PROC: variants seen among roughly 807,000 people sequenced by gnomAD.
PROC encodes vitamin K-dependent protein C.
A neutral mutation model predicts 36.3 loss-of-function variants in PROC; 22 were observed. That is an observed-to-expected ratio of 0.61 (90% CI 0.43 to 0.86). The LOEUF (loss-of-function observed/expected upper bound fraction) is 0.86, where lower values mean the gene tolerates loss of function less well. Among genes scored for constraint, PROC ranks in the 40% least tolerant of loss-of-function variants. The probability of loss-of-function intolerance (pLI) is 0.00; values close to 1 mark genes in which losing one functional copy is unlikely to be tolerated. For synonymous variants in PROC, 218 were observed against 244.5 expected, an observed-to-expected ratio of 0.89 and a Z score of 1.01; for missense variants, 526 against 629.7, an observed-to-expected ratio of 0.84 and a Z score of 1.76.
intron 2 of PROC, 45 bp from the exon 3 acceptor site, chr2:127,421,238 T>C: frequency 6.2e-7 from 1 of 1,604,586 alleles, no homozygotes; most frequent in Non-Finnish European, 8.5e-7. Context: ...CCAGCCCCTC[T>C]TAGGCCCCTC....
chr2:127,424,940 G>A (rs1241629652), intron 6 of PROC, among the ~76,000 whole-genome samples: 1 of 152,200 alleles, frequency 6.6e-6, no homozygotes, highest in Non-Finnish European at 1.5e-5. Context: ...GGGTGGGGCA[G>A]GGGAGCTGGT....
intron 8 of PROC, among the ~76,000 whole-genome samples, chr2:127,427,693 C>T (rs1238759709): frequency 1.3e-5 from 2 of 152,176 alleles, no homozygotes; most frequent in Admixed American, 1.3e-4. Flanking sequence ...GCATTGGCCC[C>T]GATCTATGGC....
chr2:127,428,394 G>A lies in PROC; in HGVS notation c.834G>A (p.Leu278=), dbSNP rs146289521. The change falls in exon 9 of 9, where the codon CTG becomes CTA. Residue 278 remains leucine, a synonymous_variant. Transcript: ENST00000234071. ...TGCGGCGCTGGGAGAAGTGGGAGCTGGACCTGGACATCAAGGAGGTCTTCG... is the reference window on the plus strand; with the variant it reads ...TGCGGCGCTGGGAGAAGTGGGAGCTAGACCTGGACATCAAGGAGGTCTTCG... ...YDLRRWEKWE[L]DLDIKEVFVH... is the part of the protein sequence containing the mutation. 3.3e-5 allele frequency: 54 copies of A among 1,614,024 alleles called. No homozygotes were observed. Among genetic ancestry groups the A allele is most frequent in the Non-Finnish European group, 4.6e-5 (54 of 1,180,052 alleles).
Position 127,418,527 on chromosome 2 carries a change from T to TGGAGGGAGGGCTGC in PROC, c.-22+36_-22+49dup, listed in dbSNP as rs754898596. On this transcript the variant is annotated intron_variant, in intron 1 of 8. Coordinates refer to ENST00000234071, the MANE Select transcript of PROC (RefSeq NM_000312.4). The surrounding 1 kb of genome is among the most constrained non-coding windows in gnomAD (Gnocchi z 4.8). ...CCTCCAGGCAGGTCTATGAGGGGTG[T>TGGAGGGAGGGCTGC]GGAGGGAGGGCTGCCCCCGGGAGAA... 2 of 1,288,300 alleles carry TGGAGGGAGGGCTGC rather than the reference T, an allele frequency of 1.6e-6. No individual in the cohort carries two copies. The highest frequency in any genetic ancestry group is 2.5e-5 in the South Asian group (2 of 80,992). 79.8% of individuals were successfully genotyped at this position (1,288,300 alleles called of 1,614,324 possible).
rs1271213613 is a variant in PROC at position 127,428,863 on chromosome 2, T to C, written c.1303T>C (p.Tyr435His). 1.2e-6 allele frequency: 2 copies of C among 1,613,736 alleles called. No individual in the cohort carries two copies. The highest frequency in any genetic ancestry group is 1.7e-6 in the Non-Finnish European group (2 of 1,179,932). Reference protein sequence around the residue: ...GCGLLHNYGVYTKVSRYLDWI... With the variant: ...GCGLLHNYGVHTKVSRYLDWI... Reference sequence around the variant, plus strand: ...TGGGCTCCTTCACAACTACGGCGTTTACACCAAAGTCAGCCGCTACCTCGA... The same window carrying C: ...TGGGCTCCTTCACAACTACGGCGTTCACACCAAAGTCAGCCGCTACCTCGA... The change falls in exon 9 of 9, where the codon TAC becomes CAC. Residue 435 changes from tyrosine (Y) to histidine (H), a missense_variant. Physicochemically the swap from Tyr to His is moderately conservative, Grantham distance 83 (BLOSUM62 2). Coordinates refer to ENST00000234071, the MANE Select transcript of PROC (RefSeq NM_000312.4).
Position 127,429,014 on chromosome 2 carries a change from C to T in PROC, c.*68C>T. Reference sequence around the variant, plus strand: ...GGACATTAAAGGGACATGTAACAAGCACACCGGCCTGCTGTTCTGTCCTTC... The same window carrying T: ...GGACATTAAAGGGACATGTAACAAGTACACCGGCCTGCTGTTCTGTCCTTC... On this transcript the variant is annotated 3_prime_UTR_variant, in exon 9 of 9. Transcript: ENST00000234071. The T allele has an allele frequency of 6.5e-7, 1 of 1,544,704 alleles. No individual in the cohort carries two copies. Among genetic ancestry groups the T allele is most frequent in the Non-Finnish European group, 8.9e-7 (1 of 1,118,952 alleles).
rs1688502040 is a variant in PROC at position 127,426,401 on chromosome 2, G to A, written c.678+174G>A. The A allele has an allele frequency of 3.3e-6, 3 of 898,950 alleles. No homozygotes were observed. The highest frequency in any genetic ancestry group is 3.4e-6 in the Non-Finnish European group (2 of 591,202). The allele number at this position is 898,950 out of a possible 1,614,324, so 55.7% of individuals were successfully genotyped here. ...AGATGGACGCAACCTGAGGGGAGAG[G>A]AGCAGCCAGGGTGGGTGAGGGGAGG... On this transcript the variant is annotated intron_variant, in intron 7 of 8. Coordinates refer to ENST00000234071, the MANE Select transcript of PROC (RefSeq NM_000312.4). The surrounding 1 kb of genome is among the most constrained non-coding windows in gnomAD (Gnocchi z 7.0).
At chr2:127,424,678 T>TA (rs1688366708) in intron 6 of PROC, among the ~76,000 whole-genome samples, 1 of 152,076 alleles carries the variant, frequency 6.6e-6, no homozygotes, top group African/African-American at 2.4e-5. Flanking sequence ...GTCTCTATTT[T>TA]TAAAAAAAGT....
chr2:127,427,061 G>C, intron 7 of PROC, 44 bp from the exon 8 acceptor site: 1 of 1,563,092 alleles, frequency 6.4e-7, no homozygotes, highest in Non-Finnish European at 8.8e-7. Context: ...ACTGGAGGCT[G>C]TCAGGAGGCA....
chr2:127,421,377 G>A lies in PROC; in HGVS notation c.165G>A (p.Leu55=). ...TGGAGGAGCTCCGTCACAGCAGCCTGGAGCGGGAGTGCATAGAGGAGATCT... is the reference window on the plus strand; with the variant it reads ...TGGAGGAGCTCCGTCACAGCAGCCTAGAGCGGGAGTGCATAGAGGAGATCT... ...SFLEELRHSS[L]ERECIEEICD... The change falls in exon 3 of 9, where the codon CTG becomes CTA. Residue 55 remains leucine, a synonymous_variant. Coordinates refer to ENST00000234071, the MANE Select transcript of PROC (RefSeq NM_000312.4). The A allele has an allele frequency of 6.2e-7, 1 of 1,613,932 alleles. No individual in the cohort carries two copies. The highest frequency in any genetic ancestry group is 8.5e-7 in the Non-Finnish European group (1 of 1,179,948).
At position 127,420,033 on chromosome 2, in the gene PROC, C is replaced by T. The variant is rs552451188; in HGVS notation, c.70+21C>T. On this transcript the variant is annotated intron_variant, in intron 2 of 8. Coordinates refer to ENST00000234071, the MANE Select transcript of PROC (RefSeq NM_000312.4). ...TCTTGGTAAGGCCACCCCACCCCTACCCCGGGACCCTTGTGGCCTCTACAA... is the reference window on the plus strand; with the variant it reads ...TCTTGGTAAGGCCACCCCACCCCTATCCCGGGACCCTTGTGGCCTCTACAA... 6.8e-6 allele frequency: 11 copies of T among 1,612,204 alleles called. No homozygotes were observed. The East Asian group carries it at 8.9e-5, about 13-fold the overall frequency.
At chr2:127,423,228 G>C in intron 5 of PROC, 46 bp from the exon 6 acceptor site, 2 of 1,527,654 alleles carry the variant, frequency 1.3e-6, no homozygotes, top group Non-Finnish European at 1.8e-6. Context: ...GCCGGGTTGG[G>C]GGCGCGGCAC....
chr2:127,423,663 CT>C (rs1290897559), intron 6 of PROC: 8 of 482,236 alleles, frequency 1.7e-5, no homozygotes, highest in Non-Finnish European at 2.9e-5. Context: ...CGGGCGCCCC[CT>C]GCGCACCTGG....
Position 127,426,649 on chromosome 2 carries a change from G to T in PROC, c.678+422G>T. The T allele has an allele frequency of 3.0e-6, 1 of 330,438 alleles. No individual in the cohort carries two copies. Among genetic ancestry groups the T allele is most frequent in the Non-Finnish European group, 5.8e-6 (1 of 171,026 alleles). The allele number at this position is 330,438 out of a possible 1,614,324, so 20.5% of individuals were successfully genotyped here. ...ATGGGGGAGATAGGAACCAACAAGT[G>T]GGAGTATTTGCCCTGGGGACTCAGA... is the stretch of plus-strand genomic sequence containing the variant. On this transcript the variant is annotated intron_variant, in intron 7 of 8. Coordinates refer to ENST00000234071, the MANE Select transcript of PROC (RefSeq NM_000312.4). This position sits in a 1 kb window ranked among gnomAD's most constrained non-coding sequence, Gnocchi z 7.0.
chr2:127,425,861 T>C (rs1372288422), intron 6 of PROC, among the ~76,000 whole-genome samples: 1 of 151,938 alleles, frequency 6.6e-6, no homozygotes, highest in African/African-American at 2.4e-5. Context: ...TGCTGCCTGG[T>C]CTGACTCTTA....
chr2:127,423,640 C>T, intron 6 of PROC: 1 of 575,530 alleles, frequency 1.7e-6, no homozygotes, highest in Non-Finnish European at 2.7e-6. Flanking sequence ...TTCCTGGCGT[C>T]CCCGCCTTCC....
Position 127,419,931 on chromosome 2 carries a change from A to C in PROC, c.-12A>C, listed in dbSNP as rs1251917744. 6.2e-7 allele frequency: 1 copy of C among 1,613,984 alleles called. No individual in the cohort carries two copies. The highest frequency in any genetic ancestry group is 8.5e-7 in the Non-Finnish European group (1 of 1,179,998). On this transcript the variant is annotated 5_prime_UTR_variant, in exon 2 of 9. Transcript: ENST00000234071. The stretch of plus-strand genomic sequence containing the variant: ...CAGAAGTCCTCCTCAGACAGGTGCC[A>C]GTGCCTCCAGAATGTGGCAGCTCAC...
At position 127,418,733 on chromosome 2, in the gene PROC, C is replaced by A. The variant is rs1050953255; in HGVS notation, c.-22+241C>A. 6.6e-6 allele frequency among the ~76,000 whole-genome samples: 1 copy of A among 152,202 alleles called. No individual in the cohort carries two copies. The highest frequency in any genetic ancestry group is 2.4e-5 in the African/African-American group (1 of 41,454). ...TCCCCAGGGCCCAGGGCCATTCCAACAGACAGTTTGGAGCCCAGGACCCTC... is the reference window on the plus strand; with the variant it reads ...TCCCCAGGGCCCAGGGCCATTCCAAAAGACAGTTTGGAGCCCAGGACCCTC... On this transcript the variant is annotated intron_variant, in intron 1 of 8. Coordinates refer to ENST00000234071, the MANE Select transcript of PROC (RefSeq NM_000312.4). This position sits in a 1 kb window ranked among gnomAD's most constrained non-coding sequence, Gnocchi z 4.8.
intron 8 of PROC, among the ~76,000 whole-genome samples, chr2:127,428,028 C>T (rs1688636282): frequency 6.6e-6 from 1 of 152,210 alleles, no homozygotes; most frequent in Non-Finnish European, 1.5e-5. Flanking sequence ...TCTGGGGTTT[C>T]CAGGGGTCTC....
Sources: gnomAD v4.1 joint callset for allele counts (sites outside exome capture counted in the v4.1 genomes callset) on GRCh38, gnomAD v4.1.1 for gene constraint, Gnocchi (gnomAD v3.1) non-coding constraint, MANE v1.5 for transcripts, NCBI Gene and HGNC (gene_info 2026-07-23, HGNC 2026-07-21) for gene names.